TAFA2: variants seen among roughly 807,000 people sequenced by gnomAD.
TAFA2 encodes the protein TAFA chemokine like family member 2.
A neutral mutation model predicts 18.8 loss-of-function variants in TAFA2; 7 were observed. The observed-to-expected ratio is 0.37, with a 90% CI of 0.21 to 0.70. TAFA2 has a LOEUF of 0.70. Ranked by LOEUF, TAFA2 falls within the 30% of genes least tolerant of loss-of-function variation. The pLI is 0.53. For missense variants in TAFA2, 122 were observed against 158.1 expected, an observed-to-expected ratio of 0.77 and a Z score of 1.23; for synonymous variants, 60 against 54.2, an observed-to-expected ratio of 1.11 and a Z score of -0.47.
chr12:61,833,719 CT>C (rs1262842401), intron 2 of TAFA2, among the ~76,000 whole-genome samples: 1 of 151,676 alleles, frequency 6.6e-6, no homozygotes, highest in East Asian at 1.9e-4. Context: ...TCAGTAATTG[CT>C]TTTGTTGTCT....
chr12:62,073,484 G>T (rs1217242687), intron 1 of TAFA2, among the ~76,000 whole-genome samples: 3 of 147,734 alleles, frequency 2.0e-5, no homozygotes, highest in South Asian at 2.2e-4. Flanking sequence ...TATATTATAG[G>T]TAGGTGTTAT....
intron 1 of TAFA2, among the ~76,000 whole-genome samples, chr12:62,035,554 T>A (rs1370637664): frequency 8.6e-5 from 12 of 138,922 alleles, no homozygotes; most frequent in Middle Eastern, 3.5e-3. Flanking sequence ...ATAAAAAAAA[T>A]TAAAAAAAAA....
intron 1 of TAFA2, among the ~76,000 whole-genome samples, chr12:62,219,509 A>G (rs1237416228): frequency 6.6e-6 from 1 of 152,212 alleles, no homozygotes; most frequent in East Asian, 1.9e-4. Flanking sequence ...TTATTCGATA[A>G]TAATCAAAAG....
intron 2 of TAFA2, among the ~76,000 whole-genome samples, chr12:61,814,789 T>C (rs2121021729): frequency 6.6e-6 from 1 of 151,328 alleles, no homozygotes; most frequent in East Asian, 1.9e-4. Context: ...GAAAAGGCAA[T>C]ATGACAGTGG....
chr12:61,948,333 T>C (rs1878351666), intron 1 of TAFA2, among the ~76,000 whole-genome samples: 1 of 152,140 alleles, frequency 6.6e-6, no homozygotes, highest in African/African-American at 2.4e-5. Flanking sequence ...GTCCCTAACA[T>C]TTGAGATCTG....
intron 1 of TAFA2, among the ~76,000 whole-genome samples, chr12:62,147,231 C>CATAT (rs71083980): frequency 1.6e-4 from 22 of 141,382 alleles, no homozygotes; most frequent in East Asian, 6.2e-4. Flanking sequence ...AAACCAAATA[C>CATAT]ATATATATAT....
At chr12:61,807,795 CG>C (rs1040959341) in intron 2 of TAFA2, among the ~76,000 whole-genome samples, 3 of 151,406 alleles carry the variant, frequency 2.0e-5, no homozygotes, top group Admixed American at 6.6e-5. Context: ...CACTGGATTT[CG>C]GACTTGCATG....
intron 1 of TAFA2, among the ~76,000 whole-genome samples, chr12:62,092,980 T>A (rs1210275076): frequency 6.6e-6 from 1 of 152,028 alleles, no homozygotes; most frequent in African/African-American, 2.4e-5. Flanking sequence ...AATTTACATA[T>A]CAGCGAAGGC....
chr12:62,063,738 T>C (rs190696751), intron 1 of TAFA2, among the ~76,000 whole-genome samples: 1 of 152,216 alleles, frequency 6.6e-6, no homozygotes, highest in Admixed American at 6.5e-5. Flanking sequence ...CATACAAATT[T>C]CCTATAATCA....
In TAFA2 at chr12:62,141,518, A is replaced by C. The variant is rs181804949; in HGVS notation, c.-2+49741T>G. Among the ~76,000 whole-genome samples, 74 of 152,264 alleles carry C rather than the reference A, an allele frequency of 4.9e-4. No homozygotes were observed. In the East Asian group the frequency reaches 0.012, roughly 24 times the overall value. On this transcript the variant is annotated intron_variant, in intron 1 of 4. Coordinates refer to ENST00000416284, the MANE Select transcript of TAFA2 (RefSeq NM_178539.5). ...AGGATAAACCTCAGACTTGCTATTC[A>C]TGCCATTCAAACAAAGAATTTTGCC... is the stretch of plus-strand genomic sequence containing the variant.
intron 1 of TAFA2, among the ~76,000 whole-genome samples, chr12:61,951,056 A>G (rs186290574): frequency 6.9e-4 from 105 of 152,240 alleles, no homozygotes; most frequent in Admixed American, 1.5e-3. Flanking sequence ...TAAATGACCA[A>G]TGCTGCAAAT....
chr12:62,076,321 T>C (rs920074999), intron 1 of TAFA2, among the ~76,000 whole-genome samples: 2 of 152,216 alleles, frequency 1.3e-5, no homozygotes, highest in African/African-American at 4.8e-5. Flanking sequence ...ATCTTCAGTT[T>C]TGTTAGCAGA....
chr12:61,844,351 A>G (rs1873314150), intron 2 of TAFA2, among the ~76,000 whole-genome samples: 1 of 152,162 alleles, frequency 6.6e-6, no homozygotes. Flanking sequence ...TATAAATTCA[A>G]TATTTCAATA....
chr12:62,188,939 C>T (rs1289925660), intron 1 of TAFA2, among the ~76,000 whole-genome samples: 1 of 152,106 alleles, frequency 6.6e-6, no homozygotes, highest in Non-Finnish European at 1.5e-5. Context: ...ATAGGCAACT[C>T]AATGAATCTT....
chr12:61,725,102 T>C (rs1870098251), intron 4 of TAFA2, among the ~76,000 whole-genome samples: 1 of 151,886 alleles, frequency 6.6e-6, no homozygotes, highest in African/African-American at 2.4e-5. Context: ...TTCTTTTTTA[T>C]CTATTTATGT....
At chr12:61,872,672 C>G (rs184823911) in intron 1 of TAFA2, among the ~76,000 whole-genome samples, 75 of 152,116 alleles carry the variant, frequency 4.9e-4, no homozygotes, top group African/African-American at 1.6e-3. Flanking sequence ...AGGTTCCCTA[C>G]GCTTCAAGCA....
In TAFA2 at chr12:62,213,609, C is replaced by T. The variant is rs182454316; in HGVS notation, c.-130+45154G>A. On this transcript the variant is annotated intron_variant, in intron 1 of 5. Transcript: ENST00000551619. The stretch of plus-strand genomic sequence containing the variant: ...AGTGAGCCGAGATCGTGCCACTGCA[C>T]TCCAGTCTGGTGACAGACTGAGACT... 2.0e-5 allele frequency among the ~76,000 whole-genome samples: 3 copies of T among 150,060 alleles called. No individual in the cohort carries two copies. In the East Asian group the frequency reaches 5.9e-4, roughly 30 times the overall value.
At chr12:61,986,605 A>C (rs1268772487) in intron 1 of TAFA2, among the ~76,000 whole-genome samples, 1 of 151,884 alleles carries the variant, frequency 6.6e-6, no homozygotes, top group Non-Finnish European at 1.5e-5. Context: ...GGTCCAAACG[A>C]TCTAAGTTCT....
intron 4 of TAFA2, among the ~76,000 whole-genome samples, chr12:61,740,349 G>T (rs1371931021): frequency 6.6e-6 from 1 of 152,014 alleles, no homozygotes; most frequent in African/African-American, 2.4e-5. Context: ...GGGAGGCAAG[G>T]GGTGGGAGAG....
Sources: allele counts gnomAD v4.1 joint callset (sites outside exome capture counted in the v4.1 genomes callset), GRCh38; gene constraint gnomAD v4.1.1; transcripts MANE v1.5; gene names NCBI Gene and HGNC (gene_info 2026-07-23, HGNC 2026-07-21).